Variants in PLEKHD1 observed in about 807,000 individuals in gnomAD.
PLEKHD1 encodes the protein pleckstrin homology and coiled-coil domain containing D1, also known as pleckstrin homology domain-containing family D member 1.
PLEKHD1 carries 51 observed loss-of-function variants against 69.2 expected under a neutral mutation model. That is an observed-to-expected ratio of 0.74 (90% confidence interval 0.59 to 0.93). The LOEUF is 0.93. Among genes scored for constraint, PLEKHD1 ranks in the 40% least tolerant of loss-of-function variants. The pLI is 0.00. For synonymous variants in PLEKHD1, 236 were observed against 244.7 expected (o/e 0.96, Z 0.33); for missense variants, 584 against 641.0 (o/e 0.91, Z 0.96).
Position 69,500,931 on chromosome 14 carries a change from C to T in PLEKHD1, c.394C>T (p.Gln132Ter). 1 of 1,551,572 alleles carries T rather than the reference C, an allele frequency of 6.4e-7. No individual in the cohort carries two copies. Among genetic ancestry groups the T allele is most frequent in the Non-Finnish European group, 8.7e-7 (1 of 1,146,988 alleles). Reference protein sequence around the residue: ...FEQTQWLEMLQESGKVTWKNA... With the variant: ...FEQTQWLEML Reference sequence around the variant, plus strand: ...GCAGACCCAGTGGCTGGAGATGCTGCAGGAGTCTGGGAAGGTGTAAGTGCT... The same window carrying T: ...GCAGACCCAGTGGCTGGAGATGCTGTAGGAGTCTGGGAAGGTGTAAGTGCT... Residue 132 changes from glutamine to a stop codon, truncating the protein, a stop_gained, in exon 4 of 13, where the codon CAG becomes TAG. Transcript: ENST00000322564. LOFTEE classifies it high-confidence loss of function.
intron 6 of PLEKHD1, among the ~76,000 whole-genome samples, chr14:69,512,238 T>G (rs1220595801): frequency 1.3e-5 from 2 of 152,164 alleles, no homozygotes; most frequent in African/African-American, 4.8e-5. Flanking sequence ...TCTGTAGTTA[T>G]GTTCCCTCTT....
chr14:69,517,257 T>G (rs1883405210), intron 6 of PLEKHD1, among the ~76,000 whole-genome samples: 1 of 152,178 alleles, frequency 6.6e-6, no homozygotes, highest in African/African-American at 2.4e-5. Context: ...TGGTGGTGCA[T>G]TCCCTGAGAC....
upstream of PLEKHD1, among the ~76,000 whole-genome samples, chr14:69,479,707 C>T (rs1354567929): frequency 6.6e-6 from 1 of 151,976 alleles, no homozygotes; most frequent in Non-Finnish European, 1.5e-5. Flanking sequence ...AGGAGGAGTT[C>T]CTTCAGAACA....
rs1883737333 is a variant in PLEKHD1 at position 69,529,273 on chromosome 14, G to GC, written c.*855dup. 1 of 152,352 alleles carries GC rather than the reference G, an allele frequency of 6.6e-6. No homozygotes were observed. Among genetic ancestry groups the GC allele is most frequent in the Non-Finnish European group, 1.5e-5 (1 of 68,176 alleles). 9.4% of individuals were successfully genotyped at this position (152,352 alleles called of 1,614,324 possible). On this transcript the variant is annotated 3_prime_UTR_variant, in exon 13 of 13. Transcript: ENST00000322564. ...GCTCAGGAGTGGGCTGGGCACAGTG[G>GC]CTCATGCCTGTAATCCCAGCACTTT...
At chr14:69,511,410 C>T (rs772364345) in intron 6 of PLEKHD1, among the ~76,000 whole-genome samples, 17 of 151,946 alleles carry the variant, frequency 1.1e-4, no homozygotes, top group South Asian at 6.2e-4. Flanking sequence ...CACCTGCCTC[C>T]GCCTCCCAAA....
intron 6 of PLEKHD1, among the ~76,000 whole-genome samples, chr14:69,519,877 C>A (rs376618388): frequency 2.0e-5 from 3 of 152,142 alleles, no homozygotes; most frequent in Admixed American, 6.5e-5. Flanking sequence ...AAGCTGGGCG[C>A]CTGGCCGCGC....
At chr14:69,470,852 C>T in the PLEKHD1 span, among the ~76,000 whole-genome samples, 1 of 151,010 alleles carries the variant, frequency 6.6e-6, no homozygotes, top group African/African-American at 2.5e-5. Context: ...CTGCAAGCTC[C>T]GCGATCTCGG....
At chr14:69,508,838 T>C (rs149788215) in intron 6 of PLEKHD1, among the ~76,000 whole-genome samples, 1 of 152,308 alleles carries the variant, frequency 6.6e-6, no homozygotes, top group East Asian at 1.9e-4. Flanking sequence ...CTGCATTCTT[T>C]GAACAATAGG....
intron 6 of PLEKHD1, among the ~76,000 whole-genome samples, chr14:69,514,384 C>G (rs919404236): frequency 5.9e-5 from 9 of 151,968 alleles, no homozygotes; most frequent in African/African-American, 2.2e-4. Flanking sequence ...AAGCATTCTT[C>G]ACTCTTACAG....
Position 69,484,879 on chromosome 14 carries a change from G to C in PLEKHD1, c.-87G>C. 1 of 1,460,440 alleles carries C rather than the reference G, an allele frequency of 6.8e-7. No individual in the cohort carries two copies. The highest frequency in any genetic ancestry group is 9.2e-7 in the Non-Finnish European group (1 of 1,087,798). 90.5% of individuals were successfully genotyped at this position (1,460,440 alleles called of 1,614,324 possible). ...TTCTCTGCTCGCTGGGACGCTCTCC[G>C]ACGGCTCCGCCCTCGCCTCTCGCCC... On this transcript the variant is annotated 5_prime_UTR_variant, in exon 1 of 13. Transcript: ENST00000322564.
intron 1 of PLEKHD1, among the ~76,000 whole-genome samples, chr14:69,488,739 A>G (rs781348177): frequency 5.3e-5 from 8 of 152,168 alleles, no homozygotes; most frequent in Non-Finnish European, 1.0e-4. Context: ...CTCTGCCTCC[A>G]GAAAAAAAAG....
chr14:69,473,550 G>T, the PLEKHD1 span, among the ~76,000 whole-genome samples: 1 of 152,176 alleles, frequency 6.6e-6, no homozygotes, highest in African/African-American at 2.4e-5. Context: ...CCACAGCAAG[G>T]TGCTGTATGA....
chr14:69,498,106 AGAGAG>A (rs1882932779), intron 1 of PLEKHD1, among the ~76,000 whole-genome samples: 2 of 141,448 alleles, frequency 1.4e-5, no homozygotes, highest in Non-Finnish European at 1.5e-5. Flanking sequence ...ATTTTATTTT[AGAGAG>A]TCTTGCTCTG....
chr14:69,523,400 C>T (rs1166694864), intron 7 of PLEKHD1, among the ~76,000 whole-genome samples: 2 of 152,068 alleles, frequency 1.3e-5, no homozygotes, highest in Non-Finnish European at 2.9e-5. Flanking sequence ...CTTATAACAA[C>T]CTTATCCAAG....
the PLEKHD1 span, among the ~76,000 whole-genome samples, chr14:69,472,142 C>G: frequency 6.6e-6 from 1 of 152,158 alleles, no homozygotes; most frequent in African/African-American, 2.4e-5. Flanking sequence ...CATGCCCACT[C>G]GGTCACTCAC....
chr14:69,486,925 C>T (rs1228115333), intron 1 of PLEKHD1, among the ~76,000 whole-genome samples: 1 of 152,196 alleles, frequency 6.6e-6, no homozygotes, highest in African/African-American at 2.4e-5. Flanking sequence ...GAGACTCCAT[C>T]TTCTCCTCCA....
chr14:69,474,499 G>A, the PLEKHD1 span, among the ~76,000 whole-genome samples: 1 of 152,184 alleles, frequency 6.6e-6, no homozygotes, highest in African/African-American at 2.4e-5. Flanking sequence ...TGTGACCTGT[G>A]CCCCACCCGC....
chr14:69,528,234 G>T lies in PLEKHD1; in HGVS notation c.1352-16G>T. On this transcript the variant is annotated splice_polypyrimidine_tract_variant and intron_variant, in intron 12 of 12. Transcript: ENST00000322564. ...GGAGCACTGTTCACAGGGCTGTTGGGCTCCTGTTTCCCCAGTGAAGCCGTC... is the reference window on the plus strand; with the variant it reads ...GGAGCACTGTTCACAGGGCTGTTGGTCTCCTGTTTCCCCAGTGAAGCCGTC... 6.4e-7 allele frequency: 1 copy of T among 1,551,474 alleles called. No individual in the cohort carries two copies. Among genetic ancestry groups the T allele is most frequent in the Non-Finnish European group, 8.7e-7 (1 of 1,146,910 alleles).
chr14:69,505,336 C>T (rs1171139791), intron 6 of PLEKHD1, among the ~76,000 whole-genome samples: 1 of 152,204 alleles, frequency 6.6e-6, no homozygotes, highest in African/African-American at 2.4e-5. Flanking sequence ...TCTTCCTTAA[C>T]TTTCTCATGC....
Sources: allele counts gnomAD v4.1 joint callset (sites outside exome capture counted in the v4.1 genomes callset), GRCh38; gene constraint gnomAD v4.1.1; transcripts MANE v1.5; gene names NCBI Gene and HGNC (gene_info 2026-07-23, HGNC 2026-07-21).